The following CHD9 variants were observed in gnomAD, a reference collection of about 807,000 sequenced individuals.
CHD9 encodes ATP-dependent chromatin remodeler CHD9.
A neutral mutation model predicts 316.1 loss-of-function variants in CHD9; 77 were observed. The ratio of observed to expected loss-of-function variants is 0.24; its 90% confidence interval spans 0.20 to 0.29. The LOEUF is 0.29. Among genes scored for constraint, CHD9 ranks in the 10% least tolerant of loss-of-function variants. The pLI is 1.00. For missense variants in CHD9, 2,763 were observed against 3,438.1 expected, an observed-to-expected ratio of 0.80 and a Z score of 4.91; for synonymous variants, 1,129 against 1,158.3, an observed-to-expected ratio of 0.97 and a Z score of 0.51.
At chr16:53,182,991 C>T (rs2043657583) in intron 2 of CHD9, among the ~76,000 whole-genome samples, 1 of 152,132 alleles carries the variant, frequency 6.6e-6, no homozygotes, top group Non-Finnish European at 1.5e-5. Context: ...TTTTAGGTTG[C>T]ATGTCCTTTC....
chr16:53,296,479 C>T (rs983428322), intron 29 of CHD9, among the ~76,000 whole-genome samples: 1 of 119,122 alleles, frequency 8.4e-6, no homozygotes, highest in South Asian at 2.7e-4. Flanking sequence ...CTCGCTCTGT[C>T]GCCCAGGCTA....
chr16:53,208,801 C>CTGTGG, intron 2 of CHD9: 2 of 617,460 alleles, frequency 3.2e-6, no homozygotes, highest in Non-Finnish European at 4.0e-6. Flanking sequence ...GATCTGCTTC[C>CTGTGG]TGTGATATTG....
At chr16:53,306,850 G>C (rs2056026769) in intron 32 of CHD9, among the ~76,000 whole-genome samples, 1 of 151,996 alleles carries the variant, frequency 6.6e-6, no homozygotes, top group South Asian at 2.1e-4. Flanking sequence ...CACAATCTCA[G>C]CTCACTGCAA....
chr16:53,079,326 G>A (rs183307242), intron 1 of CHD9, among the ~76,000 whole-genome samples: 6 of 152,266 alleles, frequency 3.9e-5, no homozygotes, highest in Non-Finnish European at 7.4e-5. Context: ...TATTGCACAC[G>A]TTAAGTGCTC....
intron 8 of CHD9, 75 bp downstream of exon 8, chr16:53,229,175 ATTATT>A (rs1465684077): frequency 3.0e-6 from 2 of 671,020 alleles, no homozygotes; most frequent in Non-Finnish European, 4.9e-6. Flanking sequence ...AAAATTACAC[ATTATT>A]TTAATTCTTA....
chr16:53,089,043 C>T (rs540801807), intron 1 of CHD9, among the ~76,000 whole-genome samples: 15 of 151,936 alleles, frequency 9.9e-5, no homozygotes, highest in Non-Finnish European at 1.9e-4. Context: ...ACCTGGGAGG[C>T]GGAGGTTGCA....
At chr16:53,294,211 T>C (rs1424440653) in intron 29 of CHD9, among the ~76,000 whole-genome samples, 1 of 152,180 alleles carries the variant, frequency 6.6e-6, no homozygotes, top group Non-Finnish European at 1.5e-5. Context: ...TGGAAAAGAA[T>C]AGCTATCTTT....
chr16:53,121,273 C>T (rs879381332), intron 1 of CHD9: 3 of 439,848 alleles, frequency 6.8e-6, no homozygotes, highest in Non-Finnish European at 1.4e-5. Context: ...ACATTTCATC[C>T]TTTTGATCTC....
chr16:53,071,641 C>T (rs970271669), intron 1 of CHD9, among the ~76,000 whole-genome samples: 1 of 152,156 alleles, frequency 6.6e-6, no homozygotes, highest in Admixed American at 6.5e-5. Flanking sequence ...TAGAAGACCC[C>T]AGAGCCCCAG....
rs544395862 is a variant in CHD9 at position 53,217,048 on chromosome 16, C to T, written c.1785-5596C>T. Among the ~76,000 whole-genome samples the T allele has an allele frequency of 1.4e-4, 22 of 152,218 alleles. No homozygotes were observed. The South Asian group carries it at 3.9e-3, about 27-fold the overall frequency. On this transcript the variant is annotated intron_variant, in intron 3 of 38. Transcript: ENST00000447540. ...TCTGCAGACCTCATGCAAGTTTTGTCGGTTCCCCTTTTTTTGTTGGCCAGG... is the reference window on the plus strand; with the variant it reads ...TCTGCAGACCTCATGCAAGTTTTGTTGGTTCCCCTTTTTTTGTTGGCCAGG...
chr16:53,141,047 A>G (rs1422110021), intron 1 of CHD9, among the ~76,000 whole-genome samples: 1 of 152,208 alleles, frequency 6.6e-6, no homozygotes, highest in Non-Finnish European at 1.5e-5. Flanking sequence ...AAATTATTTT[A>G]AACCAAAGAT....
intron 12 of CHD9, among the ~76,000 whole-genome samples, chr16:53,242,159 T>TA (rs1212696968): frequency 4.1e-4 from 62 of 152,338 alleles, no homozygotes; most frequent in African/African-American, 1.5e-3. Context: ...ATCGCAATAA[T>TA]GGTCTCCCAA....
intron 27 of CHD9, 139 bp downstream of exon 27, chr16:53,288,153 A>T: frequency 1.5e-6 from 1 of 645,400 alleles, no homozygotes; most frequent in South Asian, 1.9e-5. Context: ...TAAGTGATCA[A>T]CTTGGGTTGA....
At chr16:53,310,576 G>A (rs1232282220) in intron 34 of CHD9, among the ~76,000 whole-genome samples, 1 of 151,970 alleles carries the variant, frequency 6.6e-6, no homozygotes, top group Non-Finnish European at 1.5e-5. Context: ...GGTCCGGTGT[G>A]GTGGCACATG....
At chr16:53,133,808 G>A (rs2039515063) in intron 1 of CHD9, among the ~76,000 whole-genome samples, 1 of 152,160 alleles carries the variant, frequency 6.6e-6, no homozygotes, top group Non-Finnish European at 1.5e-5. Context: ...CTTATCTAAT[G>A]CAACCGAATG....
chr16:53,300,294 A>C (rs1253087509), intron 30 of CHD9, among the ~76,000 whole-genome samples: 1 of 152,084 alleles, frequency 6.6e-6, no homozygotes, highest in Non-Finnish European at 1.5e-5. Flanking sequence ...CGGAGATTGC[A>C]GTGAGCTGAG....
chr16:53,256,722 A>G (rs2050642029), intron 19 of CHD9, among the ~76,000 whole-genome samples: 1 of 150,008 alleles, frequency 6.7e-6, no homozygotes, highest in Admixed American at 6.7e-5. Context: ...TTATTGGAGT[A>G]TTCTGTCTCA....
At chr16:53,290,568 T>C (rs530576529) in intron 27 of CHD9, among the ~76,000 whole-genome samples, 21 of 151,320 alleles carry the variant, frequency 1.4e-4, no homozygotes, top group African/African-American at 5.1e-4. Context: ...GAACAGAGAT[T>C]GCTTGAGCCC....
chr16:53,120,537 C>T lies in CHD9; in HGVS notation c.-164-35389C>T, dbSNP rs763043206. ...CTGAAGCAGGAGAATCGCTTGAAAC[C>T]GGGAGGCGGAGGCTATGGTAAGCCG... On this transcript the variant is annotated intron_variant, in intron 1 of 38. Coordinates refer to ENST00000447540, the MANE Select transcript of CHD9 (RefSeq NM_001308319.2). Among the ~76,000 whole-genome samples the T allele has an allele frequency of 8.0e-4, 121 of 151,820 alleles. 1 individual carries two copies. The highest frequency in any genetic ancestry group is 6.8e-3 in the Middle Eastern group (2 of 294).
Sources: gnomAD v4.1 joint callset for allele counts (sites outside exome capture counted in the v4.1 genomes callset) on GRCh38, gnomAD v4.1.1 for gene constraint, MANE v1.5 for transcripts, NCBI Gene and HGNC (gene_info 2026-07-23, HGNC 2026-07-21) for gene names.